Variants in CFHR3 observed in about 807,000 individuals in gnomAD.
CFHR3 encodes complement factor H-related protein 3.
In CFHR3, 22 loss-of-function variants were observed where a neutral mutation model predicts 36.0. The ratio of observed to expected loss-of-function variants is 0.61; its 90% CI spans 0.44 to 0.87. CFHR3 has a LOEUF of 0.87. CFHR3 is among the 40% of genes least tolerant of loss of function. The pLI, the probability that CFHR3 is intolerant of heterozygous loss-of-function variation, is 0.00. For synonymous variants in CFHR3, 97 were observed against 137.4 expected (o/e 0.71, Z 2.06); for missense variants, 276 against 401.3 (o/e 0.69, Z 2.67).
rs1654024275 is a variant in CFHR3 at position 196,783,044 on chromosome 1, G to A, written c.430+3071G>A. On this transcript the variant is annotated intron_variant, in intron 3 of 5. Transcript: ENST00000367425. ...TTGAATTTTGTCAAAGGCCTTTTCTGCATCTATTGAGATAATCATGTGGTT... is the reference window on the plus strand; with the variant it reads ...TTGAATTTTGTCAAAGGCCTTTTCTACATCTATTGAGATAATCATGTGGTT... Among the ~76,000 whole-genome samples, 5 of 136,912 alleles carry A rather than the reference G, an allele frequency of 3.7e-5. 1 individual carries two copies. The highest frequency in any genetic ancestry group is 5.1e-4 in the South Asian group (2 of 3,908). The allele number at this position is 136,912 out of a possible 152,430, so 89.8% of individuals were successfully genotyped here. A position where few individuals can be genotyped will look rare whatever the true frequency, so the allele number is the denominator to read the frequency against.
intron 3 of CFHR3, among the ~76,000 whole-genome samples, chr1:196,780,524 A>T (rs1440120170): frequency 7.3e-6 from 1 of 136,102 alleles, no homozygotes. Context: ...TGGATTTAGA[A>T]TACATGTTCA....
Position 196,794,478 on chromosome 1 carries a change from G to A in CFHR3, c.*965G>A, listed in dbSNP as rs1345668344. 4.8e-5 allele frequency: 18 copies of A among 375,620 alleles called. 6 individuals are homozygous for A. The highest frequency in any genetic ancestry group is 3.9e-4 in the African/African-American group (14 of 35,776). 23.3% of individuals were successfully genotyped at this position (375,620 alleles called of 1,614,324 possible). On this transcript the variant is annotated 3_prime_UTR_variant, in exon 6 of 6. Coordinates refer to ENST00000367425, the MANE Select transcript of CFHR3 (RefSeq NM_021023.6). ...ACTCTGTCTTAAAAATAAATAAATAGGATGCTGAAAATTCCTATTTAAGGA... is the reference window on the plus strand; with the variant it reads ...ACTCTGTCTTAAAAATAAATAAATAAGATGCTGAAAATTCCTATTTAAGGA...
At position 196,779,472 on chromosome 1, in the gene CFHR3, T is replaced by C; in HGVS notation, c.253+116T>C. Reference sequence around the variant, plus strand: ...ACAGAAATAGGGCCAAGAAATGAGTTGTTCAAGCAAAATGACCAAAATAGA... The same window carrying C: ...ACAGAAATAGGGCCAAGAAATGAGTCGTTCAAGCAAAATGACCAAAATAGA... On this transcript the variant is annotated intron_variant, in intron 2 of 5. Coordinates refer to ENST00000367425, the MANE Select transcript of CFHR3 (RefSeq NM_021023.6). 3 of 900,046 alleles carry C rather than the reference T, an allele frequency of 3.3e-6. 1 individual carries two copies. In the South Asian group the frequency reaches 5.1e-5, roughly 15 times the overall value. The allele number at this position is 900,046 out of a possible 1,614,324, so 55.8% of individuals were successfully genotyped here.
intron 1 of CFHR3, among the ~76,000 whole-genome samples, chr1:196,775,765 G>T (rs567340386): frequency 7.3e-6 from 1 of 136,654 alleles, no homozygotes; most frequent in Non-Finnish European, 1.6e-5. Flanking sequence ...AAGGGTGTGT[G>T]TCCATTAATG....
rs983063805 is a variant in CFHR3, at chr1:196,794,612, T to C, written c.*1099T>C. 3 of 390,080 alleles carry C rather than the reference T, an allele frequency of 7.7e-6. No individual in the cohort carries two copies. In the Admixed American group the frequency reaches 9.4e-5, roughly 12 times the overall value. 24.2% of individuals were successfully genotyped at this position (390,080 alleles called of 1,614,324 possible). ...TTTGCATTTCTTATTAAGTTTTGCT[T>C]CAGATTTTTTTTTGTCTTTTCTCCT... On this transcript the variant is annotated 3_prime_UTR_variant, in exon 6 of 6. Coordinates refer to ENST00000367425, the MANE Select transcript of CFHR3 (RefSeq NM_021023.6).
At chr1:196,791,677 GTCCAAGTTTGAGC>G (rs1241256924) in intron 5 of CFHR3, among the ~76,000 whole-genome samples, 1 of 132,056 alleles carries the variant, frequency 7.6e-6, no homozygotes, top group Non-Finnish European at 1.6e-5. Flanking sequence ...AGATGATCAT[GTCCAAGTTTGAGC>G]TCCAAACTAT....
chr1:196,792,417 G>GT lies in CFHR3; in HGVS notation c.797-899dup, dbSNP rs1413191590. Among the ~76,000 whole-genome samples, 3 of 110,570 alleles carry GT rather than the reference G, an allele frequency of 2.7e-5. 1 individual carries two copies. Among genetic ancestry groups the GT allele is most frequent in the African/African-American group, 9.6e-5 (2 of 20,848 alleles). 72.5% of individuals were successfully genotyped at this position (110,570 alleles called of 152,430 possible). On this transcript the variant is annotated intron_variant, in intron 5 of 5. Transcript: ENST00000367425. ...ATGTAAGAACTGACATTTTTATCATGTAAGTACTAGGCTTAATACCTGGGG... is the reference window on the plus strand; with the variant it reads ...ATGTAAGAACTGACATTTTTATCATGTTAAGTACTAGGCTTAATACCTGGGG...
chr1:196,789,342 T>A lies in CFHR3; in HGVS notation c.614-703T>A, dbSNP rs1431970957. 4.1e-5 allele frequency: 37 copies of A among 897,592 alleles called. 5 individuals are homozygous for A. The highest frequency in any genetic ancestry group is 9.8e-5 in the East Asian group (1 of 10,220). The allele number at this position is 897,592 out of a possible 1,614,324, so 55.6% of individuals were successfully genotyped here. A position where few individuals can be genotyped will look rare whatever the true frequency, so the allele number is the denominator to read the frequency against. ...TTACAAAGTGATTATCTCAATGTTA[T>A]CATGAGTTTTGGGGGTTATATGAAT... On this transcript the variant is annotated intron_variant, in intron 4 of 5. Coordinates refer to ENST00000367425, the MANE Select transcript of CFHR3 (RefSeq NM_021023.6).
Position 196,784,320 on chromosome 1 carries a change from C to T in CFHR3, c.431-3896C>T, listed in dbSNP as rs1174092434. Among the ~76,000 whole-genome samples the T allele has an allele frequency of 5.9e-5, 8 of 135,708 alleles. 1 individual carries two copies. Among genetic ancestry groups the T allele is most frequent in the East Asian group, 3.9e-4 (2 of 5,102 alleles). 89.0% of individuals were successfully genotyped at this position (135,708 alleles called of 152,430 possible). A position where few individuals can be genotyped will look rare whatever the true frequency, so the allele number is the denominator to read the frequency against. On this transcript the variant is annotated intron_variant, in intron 3 of 5. Transcript: ENST00000367425. ...GAGTTCTGTAAATGTCTATTAGGTC[C>T]GCTTGGTGCAGAGCTGAGTTCAATT... is the stretch of plus-strand genomic sequence containing the variant.
At chr1:196,788,933 T>C (rs1654316277) in intron 4 of CFHR3, 2 of 1,383,660 alleles carry the variant, frequency 1.4e-6, no homozygotes, top group Non-Finnish European at 1.9e-6. Context: ...AGAAAACAAG[T>C]AAAGGAAAAG....
chr1:196,792,770 G>A lies in CFHR3; in HGVS notation c.797-547G>A, dbSNP rs1167721085. 6.7e-5 allele frequency among the ~76,000 whole-genome samples: 8 copies of A among 118,678 alleles called. 2 individuals carry two copies. Among genetic ancestry groups the A allele is most frequent in the African/African-American group, 3.1e-4 (8 of 25,418 alleles). 77.9% of individuals were successfully genotyped at this position (118,678 alleles called of 152,430 possible). A position where few individuals can be genotyped will look rare whatever the true frequency, so the allele number is the denominator to read the frequency against. ...GAGAGAGATAACTGATAGATATTGA[G>A]GTATATTTATGTATGTATGTATGTA... On this transcript the variant is annotated intron_variant, in intron 5 of 5. Transcript: ENST00000367425.
Position 196,787,363 on chromosome 1 carries a change from G to C in CFHR3, c.431-853G>C, listed in dbSNP as rs1205187566. On this transcript the variant is annotated intron_variant, in intron 3 of 5. Transcript: ENST00000367425. The stretch of plus-strand genomic sequence containing the variant: ...GAGGCTGGAGGAGATTAATAGGAAA[G>C]TAGGCAAGAATAGATCAGAAAACTC... Among the ~76,000 whole-genome samples the C allele has an allele frequency of 1.5e-5, 2 of 137,194 alleles. 1 individual carries two copies. Among genetic ancestry groups the C allele is most frequent in the African/African-American group, 6.1e-5 (2 of 32,894 alleles). 90.0% of individuals were successfully genotyped at this position (137,194 alleles called of 152,430 possible). A position where few individuals can be genotyped will look rare whatever the true frequency, so the allele number is the denominator to read the frequency against.
Position 196,776,387 on chromosome 1 carries a change from A to T in CFHR3, c.58+1443A>T, listed in dbSNP as rs1357687382. Among the ~76,000 whole-genome samples, 14 of 137,768 alleles carry T rather than the reference A, an allele frequency of 1.0e-4. 2 individuals are homozygous for T. The highest frequency in any genetic ancestry group is 2.5e-4 in the South Asian group (1 of 3,972). 90.4% of individuals were successfully genotyped at this position (137,768 alleles called of 152,430 possible). On this transcript the variant is annotated intron_variant, in intron 1 of 5. Transcript: ENST00000367425. ...TTGGGTAGAGAGAAACATCTTTGTG[A>T]ATTCAGTAGCATTGGCTCAACTGCA...
At chr1:196,782,597 C>T in intron 3 of CFHR3, among the ~76,000 whole-genome samples, 1 of 136,520 alleles carries the variant, frequency 7.3e-6, no homozygotes, top group Admixed American at 7.1e-5. Context: ...TGATTTGGCT[C>T]TCTGTTTGTC....
Position 196,786,519 on chromosome 1 carries a change from T to A in CFHR3, c.431-1697T>A, listed in dbSNP as rs56738717. 6.1e-5 allele frequency among the ~76,000 whole-genome samples: 8 copies of A among 131,654 alleles called. 3 individuals are homozygous for A. Among genetic ancestry groups the A allele is most frequent in the African/African-American group, 2.8e-4 (8 of 28,598 alleles). The allele number at this position is 131,654 out of a possible 152,430, so 86.4% of individuals were successfully genotyped here. ...AAGCCTGGGCAATGGCAGGCCCCCCTCCCCCAGCCTCGCTGCCGCCTTGCA... is the reference window on the plus strand; with the variant it reads ...AAGCCTGGGCAATGGCAGGCCCCCCACCCCCAGCCTCGCTGCCGCCTTGCA... On this transcript the variant is annotated intron_variant, in intron 3 of 5. Transcript: ENST00000367425.
chr1:196,779,570 T>A lies in CFHR3; in HGVS notation c.253+214T>A, dbSNP rs952511130. Among the ~76,000 whole-genome samples, 11 of 136,974 alleles carry A rather than the reference T, an allele frequency of 8.0e-5. 3 individuals carry two copies. Among genetic ancestry groups the A allele is most frequent in the African/African-American group, 1.5e-4 (5 of 32,778 alleles). The allele number at this position is 136,974 out of a possible 152,430, so 89.9% of individuals were successfully genotyped here. On this transcript the variant is annotated intron_variant, in intron 2 of 5. Transcript: ENST00000367425. ...TAGAGACTTTATGAGAATATCTATA[T>A]AGTTTATACATATTTTAATTATGAA...
chr1:196,787,028 AC>A (rs1276091042), intron 3 of CFHR3, among the ~76,000 whole-genome samples: 1 of 137,352 alleles, frequency 7.3e-6, no homozygotes, highest in Admixed American at 7.0e-5. Context: ...GCTGACTTTT[AC>A]TTTTTAAGTA....
intron 4 of CFHR3, chr1:196,789,004 A>G: frequency 1.5e-6 from 2 of 1,296,550 alleles, no homozygotes; most frequent in East Asian, 2.6e-5. Flanking sequence ...CTTTACATGT[A>G]AAGTTCTCTG....
At chr1:196,785,565 C>A (rs57222140) in intron 3 of CFHR3, among the ~76,000 whole-genome samples, 1 of 136,624 alleles carries the variant, frequency 7.3e-6, no homozygotes, top group Admixed American at 7.1e-5. Context: ...CATCTTCCAT[C>A]ACTGATACCC....
Sources: allele counts gnomAD v4.1 joint callset (sites outside exome capture counted in the v4.1 genomes callset), GRCh38; gene constraint gnomAD v4.1.1; transcripts MANE v1.5; gene names NCBI Gene and HGNC (gene_info 2026-07-23, HGNC 2026-07-21).